IL1RAPL1: variants seen among roughly 807,000 people sequenced by gnomAD.
IL1RAPL1 encodes interleukin-1 receptor accessory protein-like 1.
Under a neutral mutation model 48.4 loss-of-function variants are expected in IL1RAPL1, and 3 were observed. The observed-to-expected ratio is 0.06, with a 90% CI of 0.03 to 0.16. The LOEUF (loss-of-function observed/expected upper bound fraction) is 0.16. Ranked by LOEUF, IL1RAPL1 falls within the 10% of genes least tolerant of loss-of-function variation. IL1RAPL1 has a pLI of 1.00. For synonymous variants in IL1RAPL1, 185 were observed against 187.7 expected, an observed-to-expected ratio of 0.99 and a Z score of 0.12; for missense variants, 349 against 530.6, an observed-to-expected ratio of 0.66 and a Z score of 3.36.
At chrX:29,045,102 C>T (rs971927342) in intron 2 of IL1RAPL1, among the ~76,000 whole-genome samples, 7 of 110,697 alleles carry the variant, frequency 6.3e-5, no homozygotes, top group Admixed American at 2.9e-4. Flanking sequence ...CAGGAAAACT[C>T]GAGAGGTCCA....
chrX:29,557,478 T>C (rs774832315), intron 5 of IL1RAPL1, among the ~76,000 whole-genome samples: 1 of 112,240 alleles, frequency 8.9e-6, no homozygotes, highest in Non-Finnish European at 1.9e-5. Flanking sequence ...TCAAGCCAAT[T>C]AACATATTGA....
chrX:29,512,817 C>T (rs1176834744), intron 5 of IL1RAPL1, among the ~76,000 whole-genome samples: 2 of 111,634 alleles, frequency 1.8e-5, no homozygotes, highest in South Asian at 3.7e-4. Context: ...TGTAGATAAG[C>T]GCTGTCTTGT....
At chrX:29,931,830 T>TA (rs1932953243) in intron 8 of IL1RAPL1, among the ~76,000 whole-genome samples, 1 of 112,208 alleles carries the variant, frequency 8.9e-6, no homozygotes, top group South Asian at 3.7e-4. Flanking sequence ...TCACATCCCT[T>TA]AACAAGGAGT....
chrX:29,664,969 GTTA>G (rs1925958135), intron 5 of IL1RAPL1, among the ~76,000 whole-genome samples: 2 of 112,342 alleles, frequency 1.8e-5, no homozygotes, highest in Admixed American at 1.9e-4. Flanking sequence ...AGAGAGGTCT[GTTA>G]TTATTTAAAT....
intron 5 of IL1RAPL1, among the ~76,000 whole-genome samples, chrX:29,438,953 T>C (rs1934511826): frequency 9.0e-6 from 1 of 110,776 alleles, no homozygotes; most frequent in South Asian, 3.7e-4. Flanking sequence ...ATGTACACAG[T>C]TGGTGCTTAT....
Position 29,081,018 on chromosome X carries a change from C to CTTT in IL1RAPL1, c.83-201919_83-201918insTTT, listed in dbSNP as rs371970546. Among the ~76,000 whole-genome samples, 306 of 54,310 alleles carry CTTT rather than the reference C, an allele frequency of 5.6e-3. 12 individuals are homozygous for CTTT. The highest frequency in any genetic ancestry group is 0.032 in the East Asian group (44 of 1,385). The allele number at this position is 54,310 out of a possible 115,157, so 47.2% of individuals were successfully genotyped here. On this transcript the variant is annotated intron_variant, in intron 2 of 10. Transcript: ENST00000378993. ...TTTCTCTCTCTCTCTCTCTCTCTCT[C>CTTT]TCTTTCTTTTCTTTTCTTTTCTTTT...
chrX:29,174,089 G>A (rs185965476), intron 2 of IL1RAPL1, among the ~76,000 whole-genome samples: 4 of 109,890 alleles, frequency 3.6e-5, no homozygotes, highest in Admixed American at 2.9e-4. Context: ...CATGCCCTGC[G>A]AATTTTGTAT....
At chrX:29,017,758 G>A (rs1046085588) in intron 2 of IL1RAPL1, among the ~76,000 whole-genome samples, 1 of 112,149 alleles carries the variant, frequency 8.9e-6, no homozygotes, top group African/African-American at 3.2e-5. Context: ...AGTACTCACA[G>A]AAATTTGGAG....
At chrX:28,982,380 G>A (rs910516492) in intron 2 of IL1RAPL1, among the ~76,000 whole-genome samples, 3 of 112,061 alleles carry the variant, frequency 2.7e-5, no homozygotes, top group African/African-American at 9.7e-5. Context: ...CATTTATAAT[G>A]TGGGGATAAT....
intron 5 of IL1RAPL1, among the ~76,000 whole-genome samples, chrX:29,510,953 C>A (rs994825635): frequency 9.0e-6 from 1 of 111,666 alleles, no homozygotes. Flanking sequence ...GATAGGAGAT[C>A]AAATCTGAAA....
chrX:29,374,100 T>A (rs1170623019), intron 3 of IL1RAPL1, among the ~76,000 whole-genome samples: 1 of 104,886 alleles, frequency 9.5e-6, no homozygotes, highest in Admixed American at 1.1e-4. Context: ...AGTTTTCTTT[T>A]TTTGTCGTGC....
chrX:29,228,194 A>G (rs776306865), intron 2 of IL1RAPL1, among the ~76,000 whole-genome samples: 1 of 101,109 alleles, frequency 9.9e-6, no homozygotes, highest in Non-Finnish European at 2.0e-5. Context: ...ACACACACAC[A>G]CACACACACA....
intron 1 of IL1RAPL1, among the ~76,000 whole-genome samples, chrX:28,703,792 CTG>C (rs1935329415): frequency 8.9e-6 from 1 of 112,026 alleles, no homozygotes; most frequent in Non-Finnish European, 1.9e-5. Flanking sequence ...AAAGAAAAGA[CTG>C]GGTGCTTCTG....
chrX:28,840,567 A>G (rs1921342881), intron 2 of IL1RAPL1, among the ~76,000 whole-genome samples: 1 of 111,246 alleles, frequency 9.0e-6, no homozygotes, highest in African/African-American at 3.2e-5. Context: ...TTAGTTATTT[A>G]AACATGTACA....
At chrX:29,534,240 C>T (rs930818437) in intron 5 of IL1RAPL1, among the ~76,000 whole-genome samples, 3 of 111,599 alleles carry the variant, frequency 2.7e-5, no homozygotes, top group African/African-American at 9.8e-5. Flanking sequence ...ATAGTTTGTG[C>T]TTGCTTTATT....
chrX:29,477,531 C>CT (rs1486991533), intron 5 of IL1RAPL1, among the ~76,000 whole-genome samples: 1 of 112,077 alleles, frequency 8.9e-6, no homozygotes, highest in Admixed American at 9.5e-5. Context: ...TGTGTAGACC[C>CT]TGAAGATTTG....
chrX:29,654,364 C>T (rs1463488745), intron 5 of IL1RAPL1, among the ~76,000 whole-genome samples: 1 of 111,591 alleles, frequency 9.0e-6, no homozygotes. Context: ...AGTCTGTTCT[C>T]ATGCTGCTAA....
intron 5 of IL1RAPL1, among the ~76,000 whole-genome samples, chrX:29,423,903 A>G (rs1033305218): frequency 2.9e-4 from 32 of 112,023 alleles, no homozygotes; most frequent in African/African-American, 9.4e-4. Flanking sequence ...TTCATTCTTC[A>G]TTCCCTTTAC....
At chrX:29,027,624 A>C (rs1162964314) in intron 2 of IL1RAPL1, among the ~76,000 whole-genome samples, 1 of 111,943 alleles carries the variant, frequency 8.9e-6, no homozygotes, top group African/African-American at 3.2e-5. Context: ...ACTGTCTTCC[A>C]AAGTGGCTAT....
Sources: allele counts gnomAD v4.1 joint callset (sites outside exome capture counted in the v4.1 genomes callset), GRCh38; gene constraint gnomAD v4.1.1; transcripts MANE v1.5; gene names NCBI Gene and HGNC (gene_info 2026-07-23, HGNC 2026-07-21).